The following RAPGEF5 variants were observed in gnomAD, a reference collection of about 807,000 sequenced individuals.
RAPGEF5 encodes M-Ras-regulated GEF.
A neutral mutation model predicts 125.2 loss-of-function variants in RAPGEF5; 65 were observed. The ratio of observed to expected loss-of-function variants is 0.52; its 90% CI spans 0.43 to 0.64. The LOEUF (loss-of-function observed/expected upper bound fraction) is 0.64. RAPGEF5 is among the 30% of genes least tolerant of loss of function. The pLI, the probability that RAPGEF5 is intolerant of heterozygous loss-of-function variation, is 0.00. For missense variants in RAPGEF5, 958 were observed against 1,048.1 expected (o/e 0.91, Z 1.19); for synonymous variants, 391 against 385.9 (o/e 1.01, Z -0.16).
intron 6 of RAPGEF5, among the ~76,000 whole-genome samples, chr7:22,269,440 T>C (rs977195816): frequency 6.6e-6 from 1 of 152,084 alleles, no homozygotes; most frequent in African/African-American, 2.4e-5. Flanking sequence ...TCCTGGGCAA[T>C]TGACACTCAC....
chr7:22,141,965 G>A lies in RAPGEF5; in HGVS notation c.2187-1850C>T, dbSNP rs565383532. 2.6e-5 allele frequency among the ~76,000 whole-genome samples: 4 copies of A among 152,162 alleles called. No individual in the cohort carries two copies. In the South Asian group the frequency reaches 8.3e-4, roughly 32 times the overall value. On this transcript the variant is annotated intron_variant, in intron 20 of 25. Transcript: ENST00000665637. ...TCACATGGTGACTCCCCTTCATCCT[G>A]CTGTTCACTTGCCTCATTTTACTTT...
At chr7:22,322,141 C>CTTTTTTTTTTTTTTTTTTT (rs561923613) in intron 1 of RAPGEF5, among the ~76,000 whole-genome samples, 1 of 144,602 alleles carries the variant, frequency 6.9e-6, no homozygotes, top group African/African-American at 2.5e-5. Flanking sequence ...TTTTCTTTTT[C>CTTTTTTTTTTTTTTTTTTT]TTTTTTTTTT....
intron 7 of RAPGEF5, among the ~76,000 whole-genome samples, chr7:22,232,740 T>G (rs958772868): frequency 6.6e-6 from 1 of 152,226 alleles, no homozygotes; most frequent in East Asian, 1.9e-4. Context: ...AGCCTACCTA[T>G]AATGCTGTGC....
chr7:22,314,203 T>C (rs937043432), intron 3 of RAPGEF5, among the ~76,000 whole-genome samples: 7 of 152,156 alleles, frequency 4.6e-5, no homozygotes, highest in African/African-American at 1.2e-4. Flanking sequence ...AATTTTGTGA[T>C]GTTAAAAAAA....
chr7:22,266,915 AC>A, intron 7 of RAPGEF5, 48 bp downstream of exon 7: 1 of 1,539,586 alleles, frequency 6.5e-7, no homozygotes. Flanking sequence ...TATGTGAAAT[AC>A]CCCCAAAGAA....
intron 1 of RAPGEF5, among the ~76,000 whole-genome samples, chr7:22,326,007 A>C (rs1783807386): frequency 6.6e-6 from 1 of 152,212 alleles, no homozygotes; most frequent in African/African-American, 2.4e-5. Flanking sequence ...CACATTACTC[A>C]CAGGTCAGAA....
chr7:22,162,306 A>G (rs1784026851), intron 13 of RAPGEF5, 91 bp downstream of exon 13: 2 of 1,322,254 alleles, frequency 1.5e-6, no homozygotes, highest in African/African-American at 3.0e-5. Context: ...AAGCTGAATG[A>G]CTGTTACCTA....
chr7:22,165,884 C>T (rs915597281), intron 12 of RAPGEF5, among the ~76,000 whole-genome samples: 3 of 151,702 alleles, frequency 2.0e-5, no homozygotes, highest in African/African-American at 4.8e-5. Context: ...AGCACGGTCT[C>T]GGCTCACTGC....
At position 22,162,450 on chromosome 7, in the gene RAPGEF5, C is replaced by T. The variant is rs1265762526; in HGVS notation, c.1375G>A (p.Ala459Thr). Residue 459 changes from alanine (A) to threonine (T), a missense_variant, in exon 13 of 26, where the codon GCT (alanine) becomes ACT (threonine). By Grantham distance (58) the Ala-to-Thr change is moderately conservative. Transcript: ENST00000665637. ...KVLHLVSQWI[A>T]LYKDWLPEDE... ...TCAGGTAACCAGTCTTTGTACAGAG[C>T]AATCCACTGGGAAACAAGATGCAAG... 1 of 1,601,710 alleles carries T rather than the reference C, an allele frequency of 6.2e-7. No homozygotes were observed. The highest frequency in any genetic ancestry group is 1.7e-5 in the Admixed American group (1 of 60,016).
At chr7:22,196,820 G>C (rs1785158467) in intron 9 of RAPGEF5, among the ~76,000 whole-genome samples, 2 of 152,184 alleles carry the variant, frequency 1.3e-5, no homozygotes, top group Admixed American at 1.3e-4. Context: ...CAGACGTTTA[G>C]CAAGCAGTTA....
At chr7:22,244,040 A>G (rs1786407480) in intron 7 of RAPGEF5, among the ~76,000 whole-genome samples, 2 of 152,110 alleles carry the variant, frequency 1.3e-5, no homozygotes, top group South Asian at 4.1e-4. Context: ...AAGTGAGATC[A>G]TGTAGTATTT....
chr7:22,167,063 A>T lies in RAPGEF5; in HGVS notation c.1283+7T>A. 15 of 1,602,070 alleles carry T rather than the reference A, an allele frequency of 9.4e-6. No individual in the cohort carries two copies. Among genetic ancestry groups the T allele is most frequent in the Non-Finnish European group, 1.3e-5 (15 of 1,169,642 alleles). Reference sequence around the variant, plus strand: ...GGACACAGCAGCCTGAAGATAATGAAGGATATTGCCTTAACAGAGCCTGGC... The same window carrying T: ...GGACACAGCAGCCTGAAGATAATGATGGATATTGCCTTAACAGAGCCTGGC... On this transcript the variant is annotated splice_region_variant and intron_variant, in intron 12 of 25. Coordinates refer to ENST00000665637, the MANE Select transcript of RAPGEF5 (RefSeq NM_012294.5).
intron 13 of RAPGEF5, among the ~76,000 whole-genome samples, chr7:22,160,863 G>C (rs1044349095): frequency 9.2e-5 from 14 of 152,256 alleles, no homozygotes; most frequent in Non-Finnish European, 2.1e-4. Context: ...GAGATCCCTA[G>C]CTGGCTGGCT....
At chr7:22,273,561 C>G (rs528137289) in intron 6 of RAPGEF5, among the ~76,000 whole-genome samples, 146 of 152,258 alleles carry the variant, frequency 9.6e-4, no homozygotes, top group Non-Finnish European at 1.5e-3. Flanking sequence ...TTAATGCAAA[C>G]AAATATGCAT....
At chr7:22,306,655 T>C (rs909044127) in intron 5 of RAPGEF5, among the ~76,000 whole-genome samples, 2 of 152,224 alleles carry the variant, frequency 1.3e-5, no homozygotes, top group African/African-American at 2.4e-5. Flanking sequence ...ATCAATTTCC[T>C]GAAAATTTTC....
At chr7:22,151,791 T>A (rs529491851) in intron 17 of RAPGEF5, among the ~76,000 whole-genome samples, 1 of 152,316 alleles carries the variant, frequency 6.6e-6, no homozygotes, top group East Asian at 1.9e-4. Context: ...AAGTTTACTA[T>A]TTTGCTAATA....
At chr7:22,175,642 T>A (rs1351066177) in intron 11 of RAPGEF5, among the ~76,000 whole-genome samples, 2 of 152,210 alleles carry the variant, frequency 1.3e-5, no homozygotes, top group Non-Finnish European at 2.9e-5. Context: ...TGCATGGTTG[T>A]CTGATTAACA....
chr7:22,284,873 G>T (rs113638648), intron 6 of RAPGEF5, among the ~76,000 whole-genome samples: 1,811 of 152,288 alleles, frequency 0.012, 28 homozygotes, highest in African/African-American at 0.041. Context: ...AAATGTGATA[G>T]AAATTCATCA....
Position 22,327,580 on chromosome 7 carries a change from T to C in RAPGEF5, c.232-9543A>G, listed in dbSNP as rs564010934. On this transcript the variant is annotated intron_variant, in intron 1 of 25. Coordinates refer to ENST00000665637, the MANE Select transcript of RAPGEF5 (RefSeq NM_012294.5). ...TCTCCTCCCGGGAGGCAGCCTTGCA[T>C]CACTGGTAAGAGTGGAGCTCTGGGT... Among the ~76,000 whole-genome samples, 7 of 152,360 alleles carry C rather than the reference T, an allele frequency of 4.6e-5. No individual in the cohort carries two copies. The East Asian group carries it at 1.3e-3, about 29-fold the overall frequency.
Sources: allele counts gnomAD v4.1 joint callset (sites outside exome capture counted in the v4.1 genomes callset), GRCh38; gene constraint gnomAD v4.1.1; transcripts MANE v1.5; gene names NCBI Gene and HGNC (gene_info 2026-07-23, HGNC 2026-07-21).